The following PDE4D variants were observed in gnomAD, a reference collection of about 807,000 sequenced individuals.
PDE4D encodes phosphodiesterase 4D.
Under a neutral mutation model 87.4 loss-of-function variants are expected in PDE4D, and 24 were observed. The observed-to-expected ratio is 0.27, with a 90% CI of 0.20 to 0.39. The LOEUF (loss-of-function observed/expected upper bound fraction) is 0.39, where lower values mean the gene tolerates loss of function less well. Among genes scored for constraint, PDE4D ranks in the 10% least tolerant of loss-of-function variants. The pLI is 1.00. For missense variants in PDE4D, 714 were observed against 1,041.0 expected (o/e 0.69, Z 4.32); for synonymous variants, 384 against 383.2 (o/e 1.00, Z -0.02).
chr5:59,149,516 G>A (rs1355496077), intron 5 of PDE4D, among the ~76,000 whole-genome samples: 4 of 152,094 alleles, frequency 2.6e-5, no homozygotes, highest in African/African-American at 4.8e-5. Flanking sequence ...TCAGGCACAA[G>A]TTACAGCCTA....
chr5:60,369,139 CT>C (rs199850247), intron 1 of PDE4D, among the ~76,000 whole-genome samples: 8 of 150,802 alleles, frequency 5.3e-5, no homozygotes, highest in South Asian at 2.1e-4. Flanking sequence ...CTTTCTATGC[CT>C]TTTTTTTTCT....
At chr5:59,288,782 C>A (rs1362954963) in intron 1 of PDE4D, among the ~76,000 whole-genome samples, 2 of 151,928 alleles carry the variant, frequency 1.3e-5, no homozygotes, top group African/African-American at 4.8e-5. Context: ...CCTTATAGGG[C>A]AGGAGACATA....
intron 1 of PDE4D, among the ~76,000 whole-genome samples, chr5:60,437,928 T>A (rs1390645280): frequency 1.3e-5 from 2 of 152,130 alleles, no homozygotes; most frequent in Non-Finnish European, 2.9e-5. Context: ...AAGACTGACT[T>A]TGTCTTAAGG....
chr5:59,191,016 A>G (rs1744180120), intron 3 of PDE4D, among the ~76,000 whole-genome samples: 1 of 152,198 alleles, frequency 6.6e-6, no homozygotes, highest in Non-Finnish European at 1.5e-5. Context: ...GACTTAATAT[A>G]CTATGGGATT....
chr5:59,350,004 G>T (rs750130494), intron 1 of PDE4D, among the ~76,000 whole-genome samples: 19 of 151,908 alleles, frequency 1.3e-4, no homozygotes, highest in Non-Finnish European at 2.4e-4. Flanking sequence ...TTTGAGATGG[G>T]GCTTTCCTTC....
At chr5:59,139,466 C>T (rs1777581973) in intron 5 of PDE4D, among the ~76,000 whole-genome samples, 1 of 152,046 alleles carries the variant, frequency 6.6e-6, no homozygotes, top group African/African-American at 2.4e-5. Flanking sequence ...CTCTGATGGA[C>T]ATCAACAGGA....
chr5:59,813,085 G>A (rs1315454843), intron 1 of PDE4D, among the ~76,000 whole-genome samples: 1 of 152,166 alleles, frequency 6.6e-6, no homozygotes, highest in East Asian at 1.9e-4. Context: ...ATCCTATGCA[G>A]GGGGCTATTT....
intron 1 of PDE4D, among the ~76,000 whole-genome samples, chr5:59,530,721 A>T (rs1814060608): frequency 6.6e-6 from 1 of 152,360 alleles, no homozygotes; most frequent in African/African-American, 2.4e-5. Flanking sequence ...TGAATTTCAC[A>T]TAGAATTAAC....
At chr5:60,275,445 T>C (rs150844279) in intron 1 of PDE4D, among the ~76,000 whole-genome samples, 174 of 152,258 alleles carry the variant, frequency 1.1e-3, no homozygotes, top group African/African-American at 3.9e-3. Flanking sequence ...CAGAGATATG[T>C]TTGGTTATGA....
At chr5:59,335,750 C>T (rs977967106) in intron 1 of PDE4D, among the ~76,000 whole-genome samples, 3 of 152,202 alleles carry the variant, frequency 2.0e-5, no homozygotes, top group African/African-American at 7.2e-5. Context: ...TGGCAGCAGA[C>T]TGCCTTTCAT....
chr5:59,742,261 A>C (rs1365767718), intron 1 of PDE4D, among the ~76,000 whole-genome samples: 2 of 152,120 alleles, frequency 1.3e-5, no homozygotes, highest in Non-Finnish European at 2.9e-5. Flanking sequence ...ACGGGGTTTC[A>C]CCATGTTGGT....
At chr5:60,478,249 A>G (rs1353185315) in intron 1 of PDE4D, among the ~76,000 whole-genome samples, 1 of 152,240 alleles carries the variant, frequency 6.6e-6, no homozygotes, top group Non-Finnish European at 1.5e-5. Context: ...TTATGAGAAA[A>G]TACATTTAAT....
At chr5:59,224,775 C>A (rs182533365) in intron 1 of PDE4D, among the ~76,000 whole-genome samples, 1 of 152,236 alleles carries the variant, frequency 6.6e-6, no homozygotes, top group Non-Finnish European at 1.5e-5. Context: ...GAGAGAGACA[C>A]AAGAGCATTC....
chr5:60,049,844 G>A (rs1240392942), intron 2 of PDE4D, among the ~76,000 whole-genome samples: 1 of 152,238 alleles, frequency 6.6e-6, no homozygotes, highest in Non-Finnish European at 1.5e-5. Context: ...GCCCCCAGAG[G>A]TGGAGCCTAC....
chr5:59,572,423 A>G (rs1822003923), intron 1 of PDE4D, among the ~76,000 whole-genome samples: 1 of 152,182 alleles, frequency 6.6e-6, no homozygotes, highest in South Asian at 2.1e-4. Flanking sequence ...AATAGTATTT[A>G]ATCAGATTTT....
intron 1 of PDE4D, among the ~76,000 whole-genome samples, chr5:60,339,063 ACCT>A (rs1358973307): frequency 6.6e-6 from 1 of 152,114 alleles, no homozygotes; most frequent in Non-Finnish European, 1.5e-5. Context: ...TGTGGCCATA[ACCT>A]TTGCAGATCA....
chr5:59,217,464 T>C (rs1445826406), intron 1 of PDE4D: 1 of 349,662 alleles, frequency 2.9e-6, no homozygotes, highest in Non-Finnish European at 5.6e-6. Flanking sequence ...CAAATAACAG[T>C]GGCTCCGAAA....
intron 1 of PDE4D, among the ~76,000 whole-genome samples, chr5:60,506,968 A>G (rs1013304606): frequency 1.3e-5 from 2 of 152,392 alleles, no homozygotes; most frequent in Admixed American, 1.3e-4. Context: ...TTAGCAAAAG[A>G]TAACCTCTGT....
At chr5:59,039,448 T>A in intron 5 of PDE4D, 1 of 992,696 alleles carries the variant, frequency 1.0e-6, no homozygotes. Context: ...CCGCCCCGCC[T>A]GCCGAGCCTT....
Sources: allele counts gnomAD v4.1 joint callset (sites outside exome capture counted in the v4.1 genomes callset), GRCh38; gene constraint gnomAD v4.1.1; transcripts MANE v1.5; gene names NCBI Gene and HGNC (gene_info 2026-07-23, HGNC 2026-07-21).